The following KDM3A variants were observed in gnomAD, a reference collection of about 807,000 sequenced individuals.
KDM3A encodes the protein lysine demethylase 3A.
Under a neutral mutation model 158.0 loss-of-function variants are expected in KDM3A, and 60 were observed. The ratio of observed to expected loss-of-function variants is 0.38; its 90% CI spans 0.31 to 0.47. The LOEUF (loss-of-function observed/expected upper bound fraction) is 0.47, where lower values mean the gene tolerates loss of function less well. Ranked by LOEUF, KDM3A falls within the 20% of genes least tolerant of loss-of-function variation. KDM3A has a pLI of 0.99. For missense variants in KDM3A, 1,319 were observed against 1,574.3 expected (o/e 0.84, Z 2.74); for synonymous variants, 608 against 549.3 (o/e 1.11, Z -1.49).
intron 9 of KDM3A, among the ~76,000 whole-genome samples, chr2:86,465,739 A>G (rs1673111236): frequency 6.6e-6 from 1 of 152,086 alleles, no homozygotes; most frequent in Admixed American, 6.6e-5. Flanking sequence ...ATTTTGTGTG[A>G]ATATCTTTGA....
rs149847163 is a variant in KDM3A, at chr2:86,455,141, T to G, written c.510T>G (p.Phe170Leu). The change falls in exon 5 of 26, where the codon TTT becomes TTG. Residue 170 changes from phenylalanine to leucine, a missense_variant. By Grantham distance (22) the Phe-to-Leu change is conservative. Coordinates refer to ENST00000312912, the MANE Select transcript of KDM3A (RefSeq NM_018433.6). ...ATAATCAGATTGTCAGTAAAGAATTTCAAGCTTTGATTGTGAAGCATTTAG... is the reference window on the plus strand; with the variant it reads ...ATAATCAGATTGTCAGTAAAGAATTGCAAGCTTTGATTGTGAAGCATTTAG... ...LTDNQIVSKE[F>L]QALIVKHLDE... is the part of the protein sequence containing the mutation. The G allele has an allele frequency of 2.5e-6, 4 of 1,607,502 alleles. No homozygotes were observed. Among genetic ancestry groups the G allele is most frequent in the African/African-American group, 2.7e-5 (2 of 74,530 alleles).
intron 11 of KDM3A, among the ~76,000 whole-genome samples, chr2:86,470,868 CATT>C (rs1488798708): frequency 2.0e-5 from 3 of 152,118 alleles, no homozygotes; most frequent in African/African-American, 7.2e-5. Flanking sequence ...TGTAAGAGCA[CATT>C]ATAGTAATGT....
rs1674439524 is a variant in KDM3A at position 86,491,225 on chromosome 2, G to C, written c.3835G>C (p.Glu1279Gln). Residue 1279 changes from glutamate to glutamine, a missense_variant, in exon 25 of 26, where the codon GAA (glutamate) becomes CAA (glutamine). By Grantham distance (29) the Glu-to-Gln change is conservative. Around this residue, in one of 4 missense-constraint regions of KDM3A, gnomAD observed 186 missense variants for 340.9 expected, o/e 0.55. Transcript: ENST00000312912. ...TAAACACTGCTTCTGGCTTACTCAG[G>C]AATTCCGATATCTGTCACAGACTCA... ...HVKHCFWLTQ[E>Q]FRYLSQTHTN... 6.2e-7 allele frequency: 1 copy of C among 1,613,686 alleles called. No homozygotes were observed. The highest frequency in any genetic ancestry group is 8.5e-7 in the Non-Finnish European group (1 of 1,179,788).
chr2:86,474,596 A>G (rs911532702), intron 11 of KDM3A, among the ~76,000 whole-genome samples, 180 bp from the exon 12 acceptor site: 1 of 151,444 alleles, frequency 6.6e-6, no homozygotes, highest in South Asian at 2.1e-4. Flanking sequence ...TTTGGGAGGC[A>G]GAGGTTGCAG....
At chr2:86,481,794 ATACT>A (rs1260905004) in intron 16 of KDM3A, 132 bp from the exon 17 acceptor site, 34 of 643,928 alleles carry the variant, frequency 5.3e-5, no homozygotes, top group Non-Finnish European at 4.6e-5. Context: ...CATATCATTC[ATACT>A]TACTCCCTAA....
chr2:86,481,870 C>T (rs1573203005), intron 16 of KDM3A, 60 bp from the exon 17 acceptor site: 1 of 1,319,732 alleles, frequency 7.6e-7, no homozygotes, highest in Non-Finnish European at 1.1e-6. Context: ...TAGTAGAATA[C>T]TAATAAGGGA....
intron 18 of KDM3A, 85 bp from the exon 19 acceptor site, chr2:86,483,902 A>T (rs919052857): frequency 1.9e-6 from 2 of 1,072,438 alleles, no homozygotes; most frequent in African/African-American, 3.2e-5. Context: ...GAAATATACC[A>T]ATAGCAGTGT....
At chr2:86,474,632 C>A in intron 11 of KDM3A, 144 bp from the exon 12 acceptor site, 1 of 600,152 alleles carries the variant, frequency 1.7e-6, no homozygotes, top group Non-Finnish European at 2.9e-6. Flanking sequence ...CCACTGCACT[C>A]CAGCCTGGGT....
upstream of KDM3A, among the ~76,000 whole-genome samples, chr2:86,439,805 T>C (rs1682589249): frequency 6.6e-6 from 1 of 152,170 alleles, no homozygotes; most frequent in South Asian, 2.1e-4. Flanking sequence ...ATCTTTAATA[T>C]AAAATCCTTT....
rs1674064168 is a variant in KDM3A, at chr2:86,484,021, A to C, written c.2957A>C (p.Asn986Thr). ...VMVSGVHHKL[N>T]SELWKPESFR... The stretch of plus-strand genomic sequence containing the variant: ...GTGTCTGGAGTGCATCATAAATTGA[A>C]CTCTGAACTTTGGAAACCTGAATCC... The change falls in exon 19 of 26, where the codon AAC becomes ACC. Residue 986 changes from asparagine (N) to threonine (T), a missense_variant. Coordinates refer to ENST00000312912, the MANE Select transcript of KDM3A (RefSeq NM_018433.6). 4 of 1,613,888 alleles carry C rather than the reference A, an allele frequency of 2.5e-6. No individual in the cohort carries two copies. The East Asian group carries it at 8.9e-5, about 36-fold the overall frequency.
intron 21 of KDM3A, chr2:86,486,877 A>C (rs115740279): frequency 0.013 from 1,961 of 152,520 alleles, 36 homozygotes; most frequent in South Asian, 0.023. Flanking sequence ...CTCCATGCCC[A>C]AGATAGTTCT....
intron 2 of KDM3A, among the ~76,000 whole-genome samples, chr2:86,444,775 G>C (rs532687607): frequency 0.011 from 1,684 of 152,222 alleles, 35 homozygotes; most frequent in African/African-American, 0.038. Context: ...TGTTTAGATA[G>C]TTATGGATGA....
chr2:86,484,041 G>A lies in KDM3A; in HGVS notation c.2977G>A (p.Glu993Lys), dbSNP rs1290668417. ...ATTGAACTCTGAACTTTGGAAACCTGAATCCTTCAGGAAAGAGTTTGGTGA... is the reference window on the plus strand; with the variant it reads ...ATTGAACTCTGAACTTTGGAAACCTAAATCCTTCAGGAAAGAGTTTGGTGA... ...HKLNSELWKP[E>K]SFRKEFGEQE... is the part of the protein sequence containing the mutation. Residue 993 changes from glutamate (E) to lysine (K), a missense_variant, in exon 19 of 26, where the codon GAA becomes AAA. Around this residue, in one of 4 missense-constraint regions of KDM3A, gnomAD observed 368 missense variants for 415.8 expected, o/e 0.89. Coordinates refer to ENST00000312912, the MANE Select transcript of KDM3A (RefSeq NM_018433.6). 1 of 1,613,944 alleles carries A rather than the reference G, an allele frequency of 6.2e-7. No individual in the cohort carries two copies. Among genetic ancestry groups the A allele is most frequent in the Non-Finnish European group, 8.5e-7 (1 of 1,179,952 alleles).
At chr2:86,484,365 C>T (rs759233767) in intron 19 of KDM3A, among the ~76,000 whole-genome samples, 1 of 152,168 alleles carries the variant, frequency 6.6e-6, no homozygotes, top group Non-Finnish European at 1.5e-5. Context: ...TCTTTGTTGT[C>T]CCTGGACAGA....
Position 86,480,204 on chromosome 2 carries a change from T to C in KDM3A, c.2354T>C (p.Val785Ala), listed in dbSNP as rs759083462. ...GGAGAAAAACCGACTCTTGGTGCAG[T>C]GCTCCAGCAGAATCCCTCAGTGTTG... The part of the protein sequence containing the change: ...LAGEKPTLGA[V>A]LQQNPSVLEP... Residue 785 changes from valine (V) to alanine (A), a missense_variant, in exon 16 of 26, where the codon GTG (valine) becomes GCG (alanine). Physicochemically the swap from Val to Ala is moderately conservative, Grantham distance 64 (BLOSUM62 0). This residue lies in a region of KDM3A where 368 missense variants were observed against 415.8 expected (regional missense o/e 0.89). Transcript: ENST00000312912. 5.6e-6 allele frequency: 9 copies of C among 1,613,240 alleles called. No homozygotes were observed. In the South Asian group the frequency reaches 9.9e-5, roughly 18 times the overall value.
At chr2:86,471,323 GTGTA>G (rs1313584547) in intron 11 of KDM3A, among the ~76,000 whole-genome samples, 2 of 151,426 alleles carry the variant, frequency 1.3e-5, no homozygotes, top group African/African-American at 2.4e-5. Context: ...ATGTGTATAT[GTGTA>G]TGTGTGTATA....
At chr2:86,439,148 G>A (rs1451863310), upstream of KDM3A, among the ~76,000 whole-genome samples, 2 of 151,834 alleles carry the variant, frequency 1.3e-5, no homozygotes, top group East Asian at 1.9e-4. Flanking sequence ...AATCTTCTTA[G>A]TTTTCTATGT....
chr2:86,456,867 T>C lies in KDM3A; in HGVS notation c.744T>C (p.Leu248=), dbSNP rs1429086485. 6.2e-7 allele frequency: 1 copy of C among 1,609,920 alleles called. No individual in the cohort carries two copies. The highest frequency in any genetic ancestry group is 2.2e-5 in the East Asian group (1 of 44,776). ...LIHVEVVHDN[L]VTCGNSARIG... Reference sequence around the variant, plus strand: ...ATGTTGAAGTTGTACACGATAACCTTGTGACATGTGGTAAGATATGTTATT... The same window carrying C: ...ATGTTGAAGTTGTACACGATAACCTCGTGACATGTGGTAAGATATGTTATT... Residue 248 remains leucine (L), a synonymous_variant, in exon 7 of 26, where the codon CTT becomes CTC. Coordinates refer to ENST00000312912, the MANE Select transcript of KDM3A (RefSeq NM_018433.6).
At chr2:86,488,564 C>G (rs569568258) in intron 21 of KDM3A, 1 of 152,376 alleles carries the variant, frequency 6.6e-6, no homozygotes, top group Non-Finnish European at 1.5e-5. Context: ...ACCAAAGCCC[C>G]AGGCAAGCCA....
Sources: allele counts gnomAD v4.1 joint callset (sites outside exome capture counted in the v4.1 genomes callset), GRCh38; gene constraint gnomAD v4.1.1; regional missense constraint gnomAD v4.1.1; transcripts MANE v1.5; gene names NCBI Gene and HGNC (gene_info 2026-07-23, HGNC 2026-07-21).